The following ANO7 variants were observed in gnomAD, a reference collection of about 807,000 sequenced individuals.
ANO7 encodes anoctamin-7.
ANO7 carries 114 observed loss-of-function variants against 115.8 expected under a neutral mutation model. The observed-to-expected ratio is 0.98, with a 90% CI of 0.85 to 1.15. ANO7 has a LOEUF of 1.15. ANO7 is among the 50% of genes most tolerant of loss of function. ANO7 has a pLI of 0.00. For synonymous variants in ANO7, 550 were observed against 498.2 expected (o/e 1.10, Z -1.38); for missense variants, 1,302 against 1,201.2 (o/e 1.08, Z -1.24).
chr2:241,207,306 T>C (rs1400015399), intron 10 of ANO7, among the ~76,000 whole-genome samples: 1 of 152,278 alleles, frequency 6.6e-6, no homozygotes, highest in Non-Finnish European at 1.5e-5. Flanking sequence ...CACTCTTGTT[T>C]ATTATAATAA....
intron 13 of ANO7, among the ~76,000 whole-genome samples, 168 bp downstream of exon 13, chr2:241,209,803 C>T (rs565038316): frequency 1.2e-4 from 19 of 152,250 alleles, no homozygotes; most frequent in South Asian, 6.2e-4. Context: ...CGTGGGGTCC[C>T]GGCTGAGAGC....
At chr2:241,207,738 C>T in intron 11 of ANO7, 68 bp downstream of exon 11, 1 of 1,422,028 alleles carries the variant, frequency 7.0e-7, no homozygotes, top group Non-Finnish European at 9.9e-7. Flanking sequence ...TCCCCTTGTC[C>T]TGGTCCTGAC....
chr2:241,190,857 G>A (rs896932303), intron 2 of ANO7, among the ~76,000 whole-genome samples: 1 of 152,194 alleles, frequency 6.6e-6, no homozygotes, highest in African/African-American at 2.4e-5. Flanking sequence ...AGCAAGGCAG[G>A]CACCCCTGGT....
the ANO7 span, chr2:241,238,910 C>T: frequency 1.4e-6 from 1 of 737,462 alleles, no homozygotes; most frequent in East Asian, 2.9e-5. This position sits in a 1 kb window ranked among gnomAD's most constrained non-coding sequence, Gnocchi z 4.9. Context: ...ACAGATGCTC[C>T]CCTTCTCCCG....
Position 241,210,521 on chromosome 2 carries a change from C to T in ANO7, c.1512C>T (p.Leu504=). Residue 504 remains leucine, a synonymous_variant, in exon 15 of 25, where the codon CTC becomes CTT. Transcript: ENST00000674324. ...TGSVVNLVFI[L]ILSKIYVSLA... is the part of the protein sequence containing the mutation. Reference sequence around the variant, plus strand: ...CTGTAGTGAACCTCGTCTTCATCCTCATCCTCTCCAAGATCTATGTATCCC... The same window carrying T: ...CTGTAGTGAACCTCGTCTTCATCCTTATCCTCTCCAAGATCTATGTATCCC... The T allele has an allele frequency of 1.9e-6, 3 of 1,614,080 alleles. No individual in the cohort carries two copies. Among genetic ancestry groups the T allele is most frequent in the Non-Finnish European group, 2.5e-6 (3 of 1,180,008 alleles).
At chr2:241,235,210 CGAT>C in the ANO7 span, 1 of 1,614,150 alleles carries the variant, frequency 6.2e-7, no homozygotes, top group Non-Finnish European at 8.5e-7. Context: ...CCCGTGATGG[CGAT>C]GATGTCAGAC....
rs2068731205 is a variant in ANO7, at chr2:241,212,116, G to A, written c.1584G>A (p.Lys528=). ...CAGAAATGCACCGCACCCAGACCAAGTTCGAGGACGCCTTCACCCTCAAGG... is the reference window on the plus strand; with the variant it reads ...CAGAAATGCACCGCACCCAGACCAAATTCGAGGACGCCTTCACCCTCAAGG... ...TRWEMHRTQT[K]FEDAFTLKVF... The change falls in exon 16 of 25, where the codon AAG becomes AAA. Residue 528 remains lysine, a synonymous_variant. Transcript: ENST00000674324. 10 of 1,613,938 alleles carry A rather than the reference G, an allele frequency of 6.2e-6. No homozygotes were observed. The highest frequency in any genetic ancestry group is 6.8e-6 in the Non-Finnish European group (8 of 1,180,008).
chr2:241,212,506 A>T, intron 16 of ANO7, 66 bp from the exon 17 acceptor site: 1 of 1,540,808 alleles, frequency 6.5e-7, no homozygotes, highest in Non-Finnish European at 8.9e-7. Flanking sequence ...AGGCCTCCAG[A>T]GCCCAGGGAA....
At position 241,208,357 on chromosome 2, in the gene ANO7, T is replaced by C. The variant is rs11681372; in HGVS notation, c.1077+687T>C. ...CTGGGGACTCAGCCCCAGGCCTCTCTCCTGGTTTCTGGTGCTGCTGGCAGT... is the reference window on the plus strand; with the variant it reads ...CTGGGGACTCAGCCCCAGGCCTCTCCCCTGGTTTCTGGTGCTGCTGGCAGT... On this transcript the variant is annotated intron_variant, in intron 11 of 24. Transcript: ENST00000674324. Among the ~76,000 whole-genome samples the C allele has an allele frequency of 6.7e-3, 1,028 of 152,330 alleles. 8 individuals carry two copies. Among genetic ancestry groups the C allele is most frequent in the Non-Finnish European group, 0.012 (789 of 68,014 alleles).
At chr2:241,215,990 G>A in intron 18 of ANO7, 103 bp from the exon 19 acceptor site, 2 of 1,419,738 alleles carry the variant, frequency 1.4e-6, no homozygotes, top group Non-Finnish European at 1.9e-6. Context: ...CCCTTCAATT[G>A]CAAAGCAACA....
chr2:241,239,362 C>T, the ANO7 span, among the ~76,000 whole-genome samples: 1 of 152,080 alleles, frequency 6.6e-6, no homozygotes, highest in South Asian at 2.1e-4. This position sits in a 1 kb window ranked among gnomAD's most constrained non-coding sequence, Gnocchi z 4.6. Flanking sequence ...CTCTCCTCTT[C>T]TCCTTCTCTC....
chr2:241,235,085 T>C, the ANO7 span: 3 of 1,605,664 alleles, frequency 1.9e-6, no homozygotes, highest in African/African-American at 4.0e-5. Context: ...CTGAGCACCA[T>C]GGCTCTGGGC....
chr2:241,239,680 G>T, the ANO7 span: 8 of 1,614,142 alleles, frequency 5.0e-6, no homozygotes, highest in South Asian at 8.8e-5. The surrounding 1 kb of genome is among the most constrained non-coding windows in gnomAD (Gnocchi z 4.6). Flanking sequence ...TGACTTTGTC[G>T]CTCTGTGTGC....
intron 4 of ANO7, among the ~76,000 whole-genome samples, chr2:241,198,663 C>T (rs2068398059): frequency 6.6e-6 from 1 of 152,218 alleles, no homozygotes; most frequent in Non-Finnish European, 1.5e-5. Context: ...ACTTAGGGAA[C>T]CCCAGATGGC....
chr2:241,216,351 A>T, intron 19 of ANO7, 113 bp downstream of exon 19: 173 of 1,208,374 alleles, frequency 1.4e-4, no homozygotes, highest in Middle Eastern at 5.7e-4. Flanking sequence ...CTGCCCTGAA[A>T]TGTGCTGTGG....
At chr2:241,229,860 T>C (rs749212195), downstream of ANO7, 54 of 1,357,020 alleles carry the variant, frequency 4.0e-5, no homozygotes, top group African/African-American at 5.0e-5. Flanking sequence ...CGGTCCAGGG[T>C]GCGTCCCGCA....
the ANO7 span, among the ~76,000 whole-genome samples, chr2:241,237,593 T>TAA: frequency 6.6e-6 from 1 of 152,148 alleles, no homozygotes; most frequent in Non-Finnish European, 1.5e-5. Flanking sequence ...GACAACATAT[T>TAA]AGATACTACT....
At chr2:241,196,749 C>T (rs1013186839) in intron 4 of ANO7, among the ~76,000 whole-genome samples, 4 of 152,152 alleles carry the variant, frequency 2.6e-5, no homozygotes, top group Non-Finnish European at 5.9e-5. Context: ...ATGTGAATGC[C>T]GGTCTTTGCT....
downstream of ANO7, chr2:241,229,412 G>A (rs1310662513): frequency 1.8e-6 from 1 of 548,200 alleles, no homozygotes; most frequent in African/African-American, 1.9e-5. Flanking sequence ...CAGGTCCTGA[G>A]CGGGCACGGC....
Sources: allele counts gnomAD v4.1 joint callset (sites outside exome capture counted in the v4.1 genomes callset), GRCh38; gene constraint gnomAD v4.1.1; non-coding constraint Gnocchi (gnomAD v3.1); transcripts MANE v1.5; gene names NCBI Gene and HGNC (gene_info 2026-07-23, HGNC 2026-07-21).